COPS4: variants seen among roughly 807,000 people sequenced by gnomAD.
COPS4 encodes the protein COP9 signalosome complex subunit 4.
A neutral mutation model predicts 55.1 loss-of-function variants in COPS4; 8 were observed. That is an observed-to-expected ratio of 0.15 (90% CI 0.09 to 0.26). The LOEUF is 0.26. Ranked by LOEUF, COPS4 falls within the 10% of genes least tolerant of loss-of-function variation. The pLI is 1.00. For synonymous variants in COPS4, 185 were observed against 165.7 expected (o/e 1.12, Z -0.90); for missense variants, 248 against 484.0 (o/e 0.51, Z 4.58).
At chr4:83,057,895 C>T (rs1578714318) in intron 6 of COPS4, among the ~76,000 whole-genome samples, 1 of 129,126 alleles carries the variant, frequency 7.7e-6, no homozygotes, top group Non-Finnish European at 1.6e-5. Context: ...GCACTCCAGC[C>T]AGGGCGACAG....
chr4:83,042,995 T>C (rs1228272105), intron 1 of COPS4, among the ~76,000 whole-genome samples: 1 of 150,990 alleles, frequency 6.6e-6, no homozygotes, highest in Non-Finnish European at 1.5e-5. Context: ...AGTGATCTAC[T>C]TTCTTTGGCC....
chr4:83,069,164 G>A (rs1458139307), intron 9 of COPS4, among the ~76,000 whole-genome samples: 1 of 152,108 alleles, frequency 6.6e-6, no homozygotes, highest in Non-Finnish European at 1.5e-5. Flanking sequence ...AACTAATGGA[G>A]GCAGACAGGT....
At chr4:83,067,526 T>A (rs1000296982) in intron 8 of COPS4, among the ~76,000 whole-genome samples, 2 of 34,502 alleles carry the variant, frequency 5.8e-5, no homozygotes, top group Non-Finnish European at 9.1e-5. Context: ...GCCCAGCCCT[T>A]TTTTTTTTTT....
chr4:83,068,432 C>G lies in COPS4; in HGVS notation c.1003-6C>G. The G allele has an allele frequency of 6.3e-7, 1 of 1,593,682 alleles. No homozygotes were observed. On this transcript the variant is annotated splice_region_variant and splice_polypyrimidine_tract_variant and intron_variant, in intron 8 of 9. Coordinates refer to ENST00000264389, the MANE Select transcript of COPS4 (RefSeq NM_016129.3). ...AGTTTCTGAGAGTTTTTTTTTCCCC[C>G]AATAGGCGGAAAAGATAGCATCTCA...
At chr4:83,039,315 C>T (rs371521810) in intron 1 of COPS4, among the ~76,000 whole-genome samples, 22 of 152,306 alleles carry the variant, frequency 1.4e-4, no homozygotes, top group Admixed American at 9.2e-4. Context: ...TAGTCTGAGC[C>T]TGTTCATGTG....
intron 1 of COPS4, among the ~76,000 whole-genome samples, chr4:83,037,645 G>T (rs754210719): frequency 6.6e-6 from 1 of 150,486 alleles, no homozygotes; most frequent in Non-Finnish European, 1.5e-5. Context: ...ATATCAGTGT[G>T]TTTTTTTTTA....
chr4:83,058,695 G>GTA lies in COPS4; in HGVS notation c.715+1290_715+1291dup, dbSNP rs899011655. On this transcript the variant is annotated intron_variant, in intron 6 of 9. Coordinates refer to ENST00000264389, the MANE Select transcript of COPS4 (RefSeq NM_016129.3). Reference sequence around the variant, plus strand: ...TGCAACTTACCTTTTTATTGTAACTGTATACATCATAGTGATCTTTACATG... The same window carrying GTA: ...TGCAACTTACCTTTTTATTGTAACTGTATATACATCATAGTGATCTTTACATG... Among the ~76,000 whole-genome samples the GTA allele has an allele frequency of 2.0e-5, 3 of 152,042 alleles. No homozygotes were observed. In the East Asian group the frequency reaches 5.8e-4, roughly 29 times the overall value.
chr4:83,051,850 G>A (rs1431177959), intron 4 of COPS4, among the ~76,000 whole-genome samples: 1 of 152,182 alleles, frequency 6.6e-6, no homozygotes, highest in Non-Finnish European at 1.5e-5. Flanking sequence ...GCACTTCAAC[G>A]TTAAGAGGTT....
At chr4:83,038,221 G>A (rs961635668) in intron 1 of COPS4, among the ~76,000 whole-genome samples, 2 of 152,372 alleles carry the variant, frequency 1.3e-5, no homozygotes, top group Admixed American at 6.5e-5. Flanking sequence ...TCTCTAGAGT[G>A]AAAGTCAATA....
chr4:83,066,765 A>C (rs1731301952), intron 8 of COPS4, among the ~76,000 whole-genome samples: 2 of 152,180 alleles, frequency 1.3e-5, no homozygotes, highest in African/African-American at 4.8e-5. Context: ...GAATTGTCTT[A>C]GTGTTTTTTG....
intron 8 of COPS4, among the ~76,000 whole-genome samples, chr4:83,067,090 C>T (rs1456752826): frequency 2.6e-5 from 4 of 151,806 alleles, no homozygotes; most frequent in African/African-American, 7.3e-5. Context: ...TTTTTAGAGA[C>T]AGGGTCTTGT....
intron 1 of COPS4, among the ~76,000 whole-genome samples, chr4:83,043,677 C>T (rs1468869634): frequency 6.6e-6 from 1 of 151,334 alleles, no homozygotes; most frequent in Non-Finnish European, 1.5e-5. Context: ...TTAGCAATAA[C>T]CCTTGATTTA....
In COPS4 at chr4:83,068,433, A is replaced by G. The variant is rs1221866808; in HGVS notation, c.1003-5A>G. The G allele has an allele frequency of 3.1e-6, 5 of 1,591,276 alleles. No individual in the cohort carries two copies. The Admixed American group carries it at 6.8e-5, about 21-fold the overall frequency. ...GTTTCTGAGAGTTTTTTTTTCCCCC[A>G]ATAGGCGGAAAAGATAGCATCTCAA... On this transcript the variant is annotated splice_region_variant and splice_polypyrimidine_tract_variant and intron_variant, in intron 8 of 9. Transcript: ENST00000264389.
intron 4 of COPS4, among the ~76,000 whole-genome samples, chr4:83,051,802 G>A (rs116180523): frequency 0.01 from 1,551 of 152,324 alleles, 39 homozygotes; most frequent in African/African-American, 0.035. Context: ...AGGAGAGAAT[G>A]TAGATAGGCA....
intron 5 of COPS4, 55 bp downstream of exon 5, chr4:83,057,134 A>G: frequency 2.6e-6 from 4 of 1,548,152 alleles, no homozygotes; most frequent in Non-Finnish European, 3.5e-6. Context: ...GTAACATACT[A>G]AGATGTTCCA....
In COPS4 at chr4:83,057,011, G is replaced by A; in HGVS notation, c.496G>A (p.Ala166Thr). The change falls in exon 5 of 10, where the codon GCT becomes ACT. Residue 166 changes from alanine (A) to threonine (T), a missense_variant. This residue lies in a region of COPS4 where 155 missense variants were observed against 326.6 expected (regional missense o/e 0.47). Coordinates refer to ENST00000264389, the MANE Select transcript of COPS4 (RefSeq NM_016129.3). Reference protein sequence around the residue: ...LEDDDPVQAEAYINRASLLQN... With the variant: ...LEDDDPVQAETYINRASLLQN... Reference sequence around the variant, plus strand: ...GGATGATGATCCAGTCCAGGCAGAGGCTTACATAAATCGAGCATCGTTGCT... The same window carrying A: ...GGATGATGATCCAGTCCAGGCAGAGACTTACATAAATCGAGCATCGTTGCT... 1 of 1,613,894 alleles carries A rather than the reference G, an allele frequency of 6.2e-7. No homozygotes were observed. The highest frequency in any genetic ancestry group is 8.5e-7 in the Non-Finnish European group (1 of 1,179,834).
intron 9 of COPS4, among the ~76,000 whole-genome samples, chr4:83,072,731 A>G (rs1351831915): frequency 6.6e-6 from 1 of 152,194 alleles, no homozygotes; most frequent in African/African-American, 2.4e-5. Context: ...GTGATCTTTG[A>G]CATATCTGAT....
chr4:83,065,225 G>C, intron 7 of COPS4: 4 of 445,446 alleles, frequency 9.0e-6, no homozygotes, highest in Non-Finnish European at 1.6e-5. Context: ...TACTGGATTG[G>C]ATATTTAATT....
rs746409489 is a variant in COPS4 at position 83,049,162 on chromosome 4, C to T, written c.155-4C>T. On this transcript the variant is annotated splice_region_variant and splice_polypyrimidine_tract_variant and intron_variant, in intron 2 of 9. Transcript: ENST00000264389. ...TTCTTATCTTTTTTTTTTTTTTAAA[C>T]AAGTGGTAAATGAGAATGTCAGTCT... 4.1e-5 allele frequency: 63 copies of T among 1,545,646 alleles called. No individual in the cohort carries two copies. The highest frequency in any genetic ancestry group is 4.8e-5 in the Non-Finnish European group (55 of 1,151,620).
Sources: allele counts gnomAD v4.1 joint callset (sites outside exome capture counted in the v4.1 genomes callset), GRCh38; gene constraint gnomAD v4.1.1; regional missense constraint gnomAD v4.1.1; transcripts MANE v1.5; gene names NCBI Gene and HGNC (gene_info 2026-07-23, HGNC 2026-07-21).